EXD2: variants seen among roughly 807,000 people sequenced by gnomAD.
EXD2 encodes exonuclease 3'-5' domain containing 2.
EXD2 carries 40 observed loss-of-function variants against 62.5 expected under a neutral mutation model. The observed-to-expected ratio is 0.64, with a 90% CI of 0.50 to 0.83. The LOEUF is 0.83. EXD2 is among the 40% of genes least tolerant of loss of function. The pLI is 0.00. For missense variants in EXD2, 671 were observed against 761.8 expected (o/e 0.88, Z 1.40); for synonymous variants, 239 against 291.9 (o/e 0.82, Z 1.85).
intron 3 of EXD2, chr14:69,210,084 T>C (rs778440750): frequency 5.1e-5 from 13 of 255,810 alleles, no homozygotes; most frequent in African/African-American, 4.5e-5. Flanking sequence ...CCTCTCTAAG[T>C]CTTTGTTTGT....
chr14:69,224,747 G>A (rs556945455), intron 3 of EXD2, among the ~76,000 whole-genome samples: 4 of 152,234 alleles, frequency 2.6e-5, no homozygotes, highest in South Asian at 2.1e-4. Context: ...TTGGGAGGCC[G>A]AGGCGGGTGG....
intron 1 of EXD2, among the ~76,000 whole-genome samples, chr14:69,198,582 C>T (rs1297275007): frequency 2.0e-5 from 3 of 152,230 alleles, no homozygotes; most frequent in Non-Finnish European, 4.4e-5. Context: ...TATTTCCTTA[C>T]TTGCACATTA....
chr14:69,191,583 A>C lies in EXD2; in HGVS notation c.-140A>C, dbSNP rs944448205. The C allele has an allele frequency of 6.6e-6, 1 of 152,638 alleles. No homozygotes were observed. The highest frequency in any genetic ancestry group is 6.5e-5 in the Admixed American group (1 of 15,288). The allele number at this position is 152,638 out of a possible 1,614,324, so 9.5% of individuals were successfully genotyped here. ...CGCTGCAGGTGTGCGGCCCAGTCCG[A>C]GACAGCAGGTAAGTGAGGCTCAGAA... On this transcript the variant is annotated 5_prime_UTR_variant, in exon 1 of 10. Transcript: ENST00000685843.
intron 3 of EXD2, among the ~76,000 whole-genome samples, chr14:69,218,834 T>C (rs574205292): frequency 1.3e-5 from 2 of 152,186 alleles, no homozygotes; most frequent in Non-Finnish European, 2.9e-5. Flanking sequence ...GTGGTATTAT[T>C]TTTGAGCGCT....
chr14:69,209,611 G>T lies in EXD2; in HGVS notation c.141G>T (p.Val47=). The change falls in exon 3 of 10, where the codon GTG becomes GTT. Residue 47 remains valine, a synonymous_variant. Coordinates refer to ENST00000685843, the MANE Select transcript of EXD2 (RefSeq NM_001193360.2). Reference sequence around the variant, plus strand: ...TGACCCAACAGCCACAGCAGAAAGTGCTGGGCAGTAGAGAGCTGCCCCCTC... The same window carrying T: ...TGACCCAACAGCCACAGCAGAAAGTTCTGGGCAGTAGAGAGCTGCCCCCTC... ...SPVTQQPQQK[V]LGSRELPPPE... is the part of the protein sequence containing the mutation. The T allele has an allele frequency of 6.4e-7, 1 of 1,550,568 alleles. No individual in the cohort carries two copies. Among genetic ancestry groups the T allele is most frequent in the Non-Finnish European group, 8.7e-7 (1 of 1,146,996 alleles).
At chr14:69,195,381 G>C (rs1194947142) in intron 1 of EXD2, among the ~76,000 whole-genome samples, 1 of 152,118 alleles carries the variant, frequency 6.6e-6, no homozygotes, top group African/African-American at 2.4e-5. Context: ...ATTGTTTATA[G>C]AGATGAAGTT....
chr14:69,224,370 G>A (rs2140289865), intron 3 of EXD2: 1 of 152,300 alleles, frequency 6.6e-6, no homozygotes, highest in South Asian at 2.1e-4. Context: ...GGGGAAGGGT[G>A]CTAAACCATG....
rs869194045 is a variant in EXD2, at chr14:69,220,253, G to GTTTTTTTTTTTTTTTTTT, written c.334-8545_334-8528dup. Among the ~76,000 whole-genome samples, 8 of 35,114 alleles carry GTTTTTTTTTTTTTTTTTT rather than the reference G, an allele frequency of 2.3e-4. 2 individuals are homozygous for GTTTTTTTTTTTTTTTTTT. Among genetic ancestry groups the GTTTTTTTTTTTTTTTTTT allele is most frequent in the Non-Finnish European group, 3.5e-4 (7 of 20,218 alleles). 23.0% of individuals were successfully genotyped at this position (35,114 alleles called of 152,430 possible). On this transcript the variant is annotated intron_variant, in intron 3 of 9. Transcript: ENST00000685843. ...CTCTCAGCAAGTGTTTTGTCTCTCT[G>GTTTTTTTTTTTTTTTTTT]TTTTTTTTTTTTTTTTTTTTTTTTT...
intron 9 of EXD2, 46 bp from the exon 10 acceptor site, chr14:69,240,838 C>A: frequency 6.4e-7 from 1 of 1,558,194 alleles, no homozygotes; most frequent in Non-Finnish European, 8.8e-7. Context: ...GTGAGGCCAT[C>A]CTGCGCTTGT....
At chr14:69,196,327 A>T (rs770837133) in intron 1 of EXD2, 16 of 152,256 alleles carry the variant, frequency 1.1e-4, no homozygotes, top group Non-Finnish European at 1.9e-4. Context: ...CCTGGGGGTT[A>T]GACCTTCAAC....
rs184636482 is a variant in EXD2, at chr14:69,232,456, C to T, written c.717+1858C>T. Among the ~76,000 whole-genome samples the T allele has an allele frequency of 2.2e-3, 338 of 152,310 alleles. 2 individuals carry two copies. Among genetic ancestry groups the T allele is most frequent in the African/African-American group, 7.9e-3 (328 of 41,562 alleles). Reference sequence around the variant, plus strand: ...GCCAAGTCAGTTACCACTTGTTCATCCTTGAGAAATGTTAACTGGTTTCCA... The same window carrying T: ...GCCAAGTCAGTTACCACTTGTTCATTCTTGAGAAATGTTAACTGGTTTCCA... On this transcript the variant is annotated intron_variant, in intron 5 of 9. Transcript: ENST00000685843.
intron 2 of EXD2, 108 bp from the exon 3 acceptor site, chr14:69,209,316 T>C: frequency 3.9e-6 from 2 of 515,068 alleles, no homozygotes; most frequent in Non-Finnish European, 6.5e-6. Flanking sequence ...GCAGTTGTTT[T>C]AGTTTGTGGG....
intron 3 of EXD2, among the ~76,000 whole-genome samples, chr14:69,214,781 T>G (rs114334754): frequency 0.011 from 1,647 of 152,312 alleles, 35 homozygotes; most frequent in African/African-American, 0.038. Context: ...CTCATCACTA[T>G]AGTTTAATTT....
chr14:69,214,556 A>G (rs2042929558), intron 3 of EXD2, among the ~76,000 whole-genome samples: 1 of 152,198 alleles, frequency 6.6e-6, no homozygotes, highest in Non-Finnish European at 1.5e-5. Context: ...GAACAAAAAT[A>G]AACACTGAAT....
chr14:69,194,953 T>C (rs1406007957), intron 1 of EXD2, among the ~76,000 whole-genome samples: 1 of 152,104 alleles, frequency 6.6e-6, no homozygotes, highest in Non-Finnish European at 1.5e-5. Context: ...GCGCGGTGGC[T>C]TACGCCTGTA....
chr14:69,239,939 C>T (rs889862483), intron 9 of EXD2, among the ~76,000 whole-genome samples: 3 of 152,160 alleles, frequency 2.0e-5, no homozygotes, highest in Admixed American at 6.5e-5. Flanking sequence ...CCTCCCCTTT[C>T]GGCCACAGAC....
chr14:69,198,981 C>T (rs1308937164), intron 1 of EXD2, among the ~76,000 whole-genome samples: 6 of 152,256 alleles, frequency 3.9e-5, no homozygotes, highest in Admixed American at 2.0e-4. Flanking sequence ...TGGAGGCTCA[C>T]GCCTATAATC....
rs577160650 is a variant in EXD2, at chr14:69,207,310, A to G, written c.-47-2114A>G. On this transcript the variant is annotated intron_variant, in intron 2 of 9. Transcript: ENST00000685843. ...GGAGTTCAAGACCAGCCTGGCCAAC[A>G]TGGTAAAACCCTGTCTCTACTAAAA... Among the ~76,000 whole-genome samples the G allele has an allele frequency of 2.0e-3, 307 of 152,136 alleles. 1 individual carries two copies. Among genetic ancestry groups the G allele is most frequent in the Non-Finnish European group, 3.2e-3 (216 of 67,992 alleles).
chr14:69,208,465 C>G (rs1273972530), intron 2 of EXD2, among the ~76,000 whole-genome samples: 1 of 152,220 alleles, frequency 6.6e-6, no homozygotes, highest in East Asian at 1.9e-4. Context: ...CTGCCTCGGC[C>G]TCCCAAAGTG....
Sources: gnomAD v4.1 joint callset for allele counts (sites outside exome capture counted in the v4.1 genomes callset) on GRCh38, gnomAD v4.1.1 for gene constraint, MANE v1.5 for transcripts, NCBI Gene and HGNC (gene_info 2026-07-23, HGNC 2026-07-21) for gene names.